The following USP44 variants were observed in gnomAD, a reference collection of about 807,000 sequenced individuals.
USP44 encodes the protein ubiquitin specific peptidase 44, also known as ubiquitin carboxyl-terminal hydrolase 44.
USP44 carries 61 observed loss-of-function variants against 69.0 expected under a neutral mutation model. The observed-to-expected ratio is 0.88, with a 90% CI of 0.72 to 1.09. The LOEUF (loss-of-function observed/expected upper bound fraction) is 1.09, where lower values mean the gene tolerates loss of function less well. USP44 is among the 50% of genes least tolerant of loss of function. The pLI is 0.00. For missense variants in USP44, 753 were observed against 849.9 expected (o/e 0.89, Z 1.42); for synonymous variants, 297 against 295.4 (o/e 1.01, Z -0.06).
chr12:95,520,990 T>C lies in USP44; in HGVS notation c.1939+7A>G. 6.2e-7 allele frequency: 1 copy of C among 1,613,738 alleles called. No individual in the cohort carries two copies. The highest frequency in any genetic ancestry group is 8.5e-7 in the Non-Finnish European group (1 of 1,179,624). On this transcript the variant is annotated splice_region_variant and intron_variant, in intron 5 of 5. Coordinates refer to ENST00000258499, the MANE Select transcript of USP44 (RefSeq NM_032147.5). ...ACCCAAGATAAAATACTTTTTCTTA[T>C]CTATACCTCCTTCAGAATTATAGCA...
chr12:95,534,776 C>T (rs1001137516), intron 1 of USP44, among the ~76,000 whole-genome samples: 8 of 151,534 alleles, frequency 5.3e-5, no homozygotes, highest in East Asian at 1.9e-4. Flanking sequence ...CCTGGGCTCA[C>T]GTGATTGCTG....
chr12:95,522,293 GAAAA>G lies in USP44; in HGVS notation c.1734-1095_1734-1092del, dbSNP rs879858987. ...GAGACAAGAACATAGTTTTATGATG[GAAAA>G]AAAAAAGTGAAAATGCTTAGTCCAG... is the stretch of plus-strand genomic sequence containing the variant. On this transcript the variant is annotated intron_variant, in intron 4 of 5. Transcript: ENST00000258499. Among the ~76,000 whole-genome samples the G allele has an allele frequency of 2.1e-3, 313 of 147,800 alleles. 1 individual carries two copies. Among genetic ancestry groups the G allele is most frequent in the Non-Finnish European group, 4.0e-3 (265 of 66,648 alleles).
chr12:95,549,337 G>A (rs1291280191), intron 1 of USP44, among the ~76,000 whole-genome samples: 1 of 152,186 alleles, frequency 6.6e-6, no homozygotes, highest in East Asian at 1.9e-4. Context: ...CCGCAGAAGG[G>A]CGAGAGAGGT....
Position 95,528,841 on chromosome 12 carries a change from T to G in USP44, c.1590A>C (p.Leu530Phe). Residue 530 changes from leucine (L) to phenylalanine (F), a missense_variant, in exon 3 of 6, where the codon TTA becomes TTC. Transcript: ENST00000258499. ...GGTCACATACGTAGATTTTTCCTTCTAAAGCTTCAGTTTCTGTAAATTTGG... is the reference window on the plus strand; with the variant it reads ...GGTCACATACGTAGATTTTTCCTTCGAAAGCTTCAGTTTCTGTAAATTTGG... ...MLAKFTETEA[L>F]EGKIYVCDQC... The G allele has an allele frequency of 6.2e-7, 1 of 1,614,080 alleles. No individual in the cohort carries two copies.
At chr12:95,521,326 A>C in intron 4 of USP44, 124 bp from the exon 5 acceptor site, 11 of 844,684 alleles carry the variant, frequency 1.3e-5, no homozygotes, top group Non-Finnish European at 2.1e-5. Flanking sequence ...TGTAATATAA[A>C]ATGATGTCAA....
intron 5 of USP44, among the ~76,000 whole-genome samples, chr12:95,519,607 ATT>A (rs539831220): frequency 6.9e-6 from 1 of 145,130 alleles, no homozygotes; most frequent in Non-Finnish European, 1.5e-5. Context: ...CGCCCGGCTA[ATT>A]TTTTTTTTTT....
intron 1 of USP44, chr12:95,546,425 T>A (rs1315616202): frequency 6.6e-6 from 1 of 152,216 alleles, no homozygotes; most frequent in African/African-American, 2.4e-5. Context: ...GTTACACCTT[T>A]TACAATCACC....
Position 95,533,539 on chromosome 12 carries a change from G to A in USP44, c.718C>T (p.Pro240Ser), listed in dbSNP as rs1404305568. 1.2e-5 allele frequency: 19 copies of A among 1,613,526 alleles called. No individual in the cohort carries two copies. Among genetic ancestry groups the A allele is most frequent in the Non-Finnish European group, 1.5e-5 (18 of 1,179,866 alleles). ...VQVPAQTPAS[P>S]AKDKVLSTSE... is the part of the protein sequence containing the mutation. ...GTAGAGAGTACTTTATCTTTTGCTG[G>A]TGATGCTGGCGTTTGTGCTGGCACC... is the stretch of plus-strand genomic sequence containing the variant. Residue 240 changes from proline (P) to serine (S), a missense_variant, in exon 2 of 6, where the codon CCA becomes TCA. Pro to Ser is a moderately conservative substitution (Grantham distance 74). Coordinates refer to ENST00000258499, the MANE Select transcript of USP44 (RefSeq NM_032147.5).
chr12:95,538,419 T>G (rs1272153470), intron 1 of USP44, among the ~76,000 whole-genome samples: 1 of 152,010 alleles, frequency 6.6e-6, no homozygotes, highest in Non-Finnish European at 1.5e-5. Flanking sequence ...GTTGATCACT[T>G]TTAGCCAGGG....
chr12:95,529,375 TAA>T (rs2076950378), intron 2 of USP44, among the ~76,000 whole-genome samples: 1 of 152,020 alleles, frequency 6.6e-6, no homozygotes, highest in African/African-American at 2.4e-5. Flanking sequence ...TCACATGCAT[TAA>T]GTTTAATGTA....
chr12:95,519,865 C>A (rs1234729198), intron 5 of USP44, among the ~76,000 whole-genome samples: 1 of 151,218 alleles, frequency 6.6e-6, no homozygotes, highest in Admixed American at 6.6e-5. Flanking sequence ...CATGGTGAAA[C>A]CCCGTCTCTA....
At chr12:95,527,240 G>A (rs1038073285) in intron 3 of USP44, among the ~76,000 whole-genome samples, 8 of 151,806 alleles carry the variant, frequency 5.3e-5, no homozygotes, top group Admixed American at 1.3e-4. Context: ...GATTACAGGC[G>A]CACGCCACCA....
chr12:95,522,676 G>A (rs988321345), intron 4 of USP44, among the ~76,000 whole-genome samples: 2 of 151,646 alleles, frequency 1.3e-5, no homozygotes, highest in Non-Finnish European at 2.9e-5. Context: ...TACTGGGGAG[G>A]CTGAGGCAGG....
At position 95,535,972 on chromosome 12, in the gene USP44, T is replaced by C. The variant is rs572649826; in HGVS notation, c.-70-1646A>G. 3.9e-5 allele frequency among the ~76,000 whole-genome samples: 6 copies of C among 152,196 alleles called. No homozygotes were observed. In the East Asian group the frequency reaches 9.6e-4, roughly 24 times the overall value. On this transcript the variant is annotated intron_variant, in intron 1 of 5. Coordinates refer to ENST00000258499, the MANE Select transcript of USP44 (RefSeq NM_032147.5). ...AATCTCATATTCGTTCCTTAATTTT[T>C]AGGTATCAGGTACTGACCAGTCCCA...
intron 1 of USP44, among the ~76,000 whole-genome samples, chr12:95,541,948 T>G (rs1480660862): frequency 1.3e-5 from 2 of 151,134 alleles, no homozygotes; most frequent in Non-Finnish European, 2.9e-5. Context: ...GGTGTGATCT[T>G]GGCTCACTGC....
At chr12:95,531,234 CA>C (rs751505670) in intron 2 of USP44, among the ~76,000 whole-genome samples, 2 of 150,376 alleles carry the variant, frequency 1.3e-5, no homozygotes, top group Admixed American at 6.6e-5. Flanking sequence ...AAAAAACACA[CA>C]AAAAAATTAT....
At chr12:95,525,842 T>C (rs1035565879) in intron 3 of USP44, among the ~76,000 whole-genome samples, 2 of 152,154 alleles carry the variant, frequency 1.3e-5, no homozygotes, top group African/African-American at 4.8e-5. Flanking sequence ...GTACACCAGC[T>C]CCGACTCCAG....
chr12:95,549,654 T>C (rs892059316), intron 1 of USP44, among the ~76,000 whole-genome samples: 2 of 152,154 alleles, frequency 1.3e-5, no homozygotes, highest in Admixed American at 6.5e-5. Context: ...AAGACAAACA[T>C]GCAAAGTTAA....
chr12:95,549,135 A>AG (rs2077675687), intron 1 of USP44, among the ~76,000 whole-genome samples: 1 of 152,244 alleles, frequency 6.6e-6, no homozygotes, highest in East Asian at 1.9e-4. Context: ...GGACGTCGTT[A>AG]GTCCTTCCTG....
Sources: allele counts gnomAD v4.1 joint callset (sites outside exome capture counted in the v4.1 genomes callset), GRCh38; gene constraint gnomAD v4.1.1; transcripts MANE v1.5; gene names NCBI Gene and HGNC (gene_info 2026-07-23, HGNC 2026-07-21).